Variants in BLTP1 observed in about 807,000 individuals in gnomAD.
BLTP1 encodes bridge-like lipid transfer protein family member 1.
At chr4:122,208,113 A>T in the BLTP1 span, 1 of 983,944 alleles carries the variant, frequency 1.0e-6, no homozygotes, top group Non-Finnish European at 1.2e-6. Flanking sequence ...TAGTATTAAT[A>T]GTGGTTATAC....
the BLTP1 span, among the ~76,000 whole-genome samples, chr4:122,177,326 C>A: frequency 6.6e-6 from 1 of 152,202 alleles, no homozygotes; most frequent in African/African-American, 2.4e-5. Context: ...CCCACACTGG[C>A]CCAAGTCGCC....
chr4:122,215,950 A>G, the BLTP1 span, among the ~76,000 whole-genome samples: 1 of 151,950 alleles, frequency 6.6e-6, no homozygotes, highest in Admixed American at 6.6e-5. Context: ...TTTTCCATTA[A>G]TAAGTTACTT....
chr4:122,257,909 G>A, the BLTP1 span, among the ~76,000 whole-genome samples: 1 of 152,142 alleles, frequency 6.6e-6, no homozygotes, highest in Non-Finnish European at 1.5e-5. Flanking sequence ...GATAATATAA[G>A]TAGAACGTTT....
At chr4:122,272,582 G>A in the BLTP1 span, among the ~76,000 whole-genome samples, 1 of 151,852 alleles carries the variant, frequency 6.6e-6, no homozygotes, top group Non-Finnish European at 1.5e-5. Context: ...GAGTATCAGT[G>A]AATTGAGGCA....
At chr4:122,283,713 T>G in the BLTP1 span, among the ~76,000 whole-genome samples, 3 of 152,258 alleles carry the variant, frequency 2.0e-5, no homozygotes, top group East Asian at 5.8e-4. Flanking sequence ...TTTCACTGTG[T>G]TGCCTAGGCT....
chr4:122,164,525 A>G, the BLTP1 span: 1 of 566,826 alleles, frequency 1.8e-6, no homozygotes, highest in Non-Finnish European at 2.2e-6. Flanking sequence ...TAAGAGGCTC[A>G]CAGTTTTGAC....
the BLTP1 span, chr4:122,187,933 T>C: frequency 6.3e-7 from 1 of 1,590,470 alleles, no homozygotes; most frequent in Non-Finnish European, 8.5e-7. Flanking sequence ...AGCCGCAAAC[T>C]CTGTGCATCA....
At chr4:122,173,097 T>G in the BLTP1 span, 2 of 1,611,052 alleles carry the variant, frequency 1.2e-6, no homozygotes, top group South Asian at 2.2e-5. Flanking sequence ...GGAATGTTGG[T>G]CTTATTTTAA....
At chr4:122,237,341 A>G in the BLTP1 span, 1 of 985,392 alleles carries the variant, frequency 1.0e-6, no homozygotes, top group Non-Finnish European at 1.2e-6. Flanking sequence ...TGAAACTGTG[A>G]AACAGTGGTG....
chr4:122,354,883 T>C, the BLTP1 span, among the ~76,000 whole-genome samples: 1 of 152,052 alleles, frequency 6.6e-6, no homozygotes, highest in East Asian at 1.9e-4. Flanking sequence ...TTCAGGCTGG[T>C]CTCGAACTCC....
chr4:122,173,005 C>G, the BLTP1 span: 132 of 1,610,234 alleles, frequency 8.2e-5, no homozygotes, highest in Admixed American at 8.4e-5. Context: ...GAAGTAAATC[C>G]TATTATTTCT....
chr4:122,201,735 A>T, the BLTP1 span: 1 of 200,222 alleles, frequency 5.0e-6, no homozygotes, highest in Non-Finnish European at 8.9e-6. Flanking sequence ...TCTTCTAAAA[A>T]GTTTAGCCCC....
the BLTP1 span, chr4:122,224,745 A>G: frequency 6.8e-6 from 11 of 1,611,270 alleles, no homozygotes; most frequent in Admixed American, 1.2e-4. Context: ...CTTCTCAAGA[A>G]TAACTTGTAT....
the BLTP1 span, chr4:122,336,689 C>T: frequency 1.0e-6 from 1 of 962,762 alleles, no homozygotes; most frequent in Non-Finnish European, 1.2e-6. Flanking sequence ...GGTATAGCAG[C>T]AGGAAAATTT....
chr4:122,339,889 A>C, the BLTP1 span, among the ~76,000 whole-genome samples: 5 of 152,200 alleles, frequency 3.3e-5, no homozygotes, highest in Admixed American at 2.0e-4. Flanking sequence ...TTGGTTATAC[A>C]ACTCAAATAT....
At chr4:122,255,044 T>G in the BLTP1 span, 9 of 1,501,528 alleles carry the variant, frequency 6.0e-6, no homozygotes, top group Non-Finnish European at 8.2e-6. Flanking sequence ...AATATCAGAT[T>G]TACAAGTTCT....
At chr4:122,246,106 A>G in the BLTP1 span, 67 of 1,510,306 alleles carry the variant, frequency 4.4e-5, no homozygotes, top group Non-Finnish European at 5.6e-5. Flanking sequence ...GATGATGTGG[A>G]AGTTATGAAA....
At chr4:122,214,616 CTTTTTTTTTTTTT>C in the BLTP1 span, 106 of 78,472 alleles carry the variant, frequency 1.4e-3, 3 homozygotes, top group South Asian at 0.025. Context: ...TCAGTAAATT[CTTTTTTTTTTTTT>C]TTTTTTTTTT....
chr4:122,356,842 A>G, the BLTP1 span: 11 of 1,514,764 alleles, frequency 7.3e-6, no homozygotes, highest in East Asian at 2.3e-4. Flanking sequence ...TAATGAGAAA[A>G]TGAGTGGAAT....
Sources: gnomAD v4.1 joint callset for allele counts (sites outside exome capture counted in the v4.1 genomes callset) on GRCh38, gnomAD v4.1.1 for gene constraint, MANE v1.5 for transcripts, NCBI Gene and HGNC (gene_info 2026-07-23, HGNC 2026-07-21) for gene names.